Variants in BBS12 observed in about 807,000 individuals in gnomAD.
The protein encoded by BBS12 is Bardet-Biedl syndrome 12, also known as chaperonin-containing T-complex member BBS12.
Under a neutral mutation model 5.6 loss-of-function variants are expected in BBS12, and 5 were observed. The ratio of observed to expected loss-of-function variants is 0.89; its 90% CI spans 0.46 to 1.86. The LOEUF (loss-of-function observed/expected upper bound fraction) is 1.86. Ranked by LOEUF, BBS12 falls within the 40% of genes most tolerant of loss-of-function variation. The pLI, the probability that BBS12 is intolerant of heterozygous loss-of-function variation, is 0.01. For synonymous variants in BBS12, 308 were observed against 306.8 expected, an observed-to-expected ratio of 1.00 and a Z score of -0.04; for missense variants, 748 against 830.4, an observed-to-expected ratio of 0.90 and a Z score of 1.22.
chr4:122,742,497 C>T lies in BBS12; in HGVS notation c.605C>T (p.Pro202Leu), dbSNP rs756455122. 1.9e-6 allele frequency: 3 copies of T among 1,613,960 alleles called. No individual in the cohort carries two copies. The highest frequency in any genetic ancestry group is 1.1e-5 in the South Asian group (1 of 91,044). Residue 202 changes from proline to leucine, a missense_variant, in exon 2 of 2, where the codon CCT becomes CTT. Coordinates refer to ENST00000314218, the MANE Select transcript of BBS12 (RefSeq NM_152618.3). The stretch of plus-strand genomic sequence containing the variant: ...CTTAAATCATATGAATTATTTAAAC[C>T]TCAGACAAAGGTTGAAGCAGATAAC... The part of the protein sequence containing the change: ...RPLKSYELFK[P>L]QTKVEADNNT...
intron 1 of BBS12, among the ~76,000 whole-genome samples, chr4:122,735,297 C>A (rs1800769630): frequency 6.6e-6 from 1 of 152,132 alleles, no homozygotes; most frequent in African/African-American, 2.4e-5. Flanking sequence ...TAAATATGTT[C>A]TAGCGTGACA....
chr4:122,707,972 C>T, the BBS12 span, among the ~76,000 whole-genome samples: 27,865 of 124,346 alleles, frequency 0.22, 4,048 homozygotes, highest in East Asian at 0.67. Flanking sequence ...TTCCTTCCTT[C>T]CTTTCTTTCT....
upstream of BBS12, among the ~76,000 whole-genome samples, chr4:122,728,128 T>G (rs1471648549): frequency 2.0e-5 from 3 of 152,194 alleles, no homozygotes; most frequent in Non-Finnish European, 4.4e-5. Flanking sequence ...ATATTTAAAT[T>G]AAAATGCATA....
At chr4:122,705,792 T>C in the BBS12 span, among the ~76,000 whole-genome samples, 3 of 152,230 alleles carry the variant, frequency 2.0e-5, no homozygotes, top group African/African-American at 7.2e-5. Flanking sequence ...TCAATTGTCC[T>C]GATATGTTGC....
At chr4:122,712,008 C>T in the BBS12 span, among the ~76,000 whole-genome samples, 2 of 152,306 alleles carry the variant, frequency 1.3e-5, no homozygotes, top group East Asian at 3.9e-4. Context: ...TGGGGTAGAC[C>T]TTCTGCTGCC....
chr4:122,744,710 A>G lies in BBS12; in HGVS notation c.*685A>G, dbSNP rs992043205. On this transcript the variant is annotated 3_prime_UTR_variant, in exon 2 of 2. Coordinates refer to ENST00000314218, the MANE Select transcript of BBS12 (RefSeq NM_152618.3). ...CTGACAGTCGGGTTGTTTAGTCAGT[A>G]CCAAATTTGTTCATTTGGTCTCATA... 1.8e-5 allele frequency: 3 copies of G among 167,188 alleles called. No individual in the cohort carries two copies. The highest frequency in any genetic ancestry group is 7.2e-5 in the African/African-American group (3 of 41,432). The allele number at this position is 167,188 out of a possible 1,614,324, so 10.4% of individuals were successfully genotyped here.
chr4:122,727,544 ATTTT>A, the BBS12 span, among the ~76,000 whole-genome samples: 9 of 82,302 alleles, frequency 1.1e-4, no homozygotes, highest in South Asian at 4.6e-4. Context: ...CCCCTGGCCA[ATTTT>A]TTTTTTTTTT....
the BBS12 span, among the ~76,000 whole-genome samples, chr4:122,717,067 C>T: frequency 6.6e-6 from 1 of 152,124 alleles, no homozygotes; most frequent in Non-Finnish European, 1.5e-5. Flanking sequence ...TGGGACCAAC[C>T]CCTATTCCAG....
the BBS12 span, among the ~76,000 whole-genome samples, chr4:122,719,859 G>T: frequency 1.3e-5 from 2 of 152,196 alleles, no homozygotes; most frequent in East Asian, 3.8e-4. Context: ...AGATGCAGAA[G>T]TATTTTACCC....
intron 1 of BBS12, among the ~76,000 whole-genome samples, chr4:122,739,141 C>T (rs1360615783): frequency 6.6e-6 from 1 of 152,192 alleles, no homozygotes; most frequent in African/African-American, 2.4e-5. Flanking sequence ...TCCCTTGATC[C>T]TTCAGAAGGA....
chr4:122,716,474 A>ACAT, the BBS12 span, among the ~76,000 whole-genome samples: 2 of 139,294 alleles, frequency 1.4e-5, no homozygotes, highest in Non-Finnish European at 3.0e-5. Flanking sequence ...AAAACAACAG[A>ACAT]CATCTTCAAA....
chr4:122,727,375 G>A, the BBS12 span, among the ~76,000 whole-genome samples: 1 of 151,654 alleles, frequency 6.6e-6, no homozygotes, highest in Non-Finnish European at 1.5e-5. Flanking sequence ...CTCCTGAGTA[G>A]CTGGGACTAC....
intron 1 of BBS12, among the ~76,000 whole-genome samples, chr4:122,738,387 A>G (rs1351430082): frequency 6.6e-6 from 1 of 151,862 alleles, no homozygotes; most frequent in African/African-American, 2.4e-5. Context: ...ATTTTTTTGT[A>G]TTTTAACAGA....
At chr4:122,713,220 C>A in the BBS12 span, among the ~76,000 whole-genome samples, 5 of 152,028 alleles carry the variant, frequency 3.3e-5, no homozygotes, top group African/African-American at 1.2e-4. Flanking sequence ...GTTATTATTG[C>A]CTATTTTATG....
rs1800894066 is a variant in BBS12 at position 122,742,442 on chromosome 4, C to T, written c.550C>T (p.Leu184=). Residue 184 remains leucine, a synonymous_variant, in exon 2 of 2, where the codon CTG becomes TTG. Transcript: ENST00000314218. ...HGLKDVASQT[L]TISNLSGRPL... ...TCTCAAAGATGTTGCCTCTCAAACACTGACCATTTCCAACCTTTCTGGGAG... is the reference window on the plus strand; with the variant it reads ...TCTCAAAGATGTTGCCTCTCAAACATTGACCATTTCCAACCTTTCTGGGAG... 5.0e-6 allele frequency: 8 copies of T among 1,614,198 alleles called. No individual in the cohort carries two copies. The highest frequency in any genetic ancestry group is 6.8e-6 in the Non-Finnish European group (8 of 1,180,030).
At chr4:122,723,892 A>C in the BBS12 span, among the ~76,000 whole-genome samples, 1 of 152,234 alleles carries the variant, frequency 6.6e-6, no homozygotes, top group Non-Finnish European at 1.5e-5. Flanking sequence ...ACTGAGTTTC[A>C]GATGCGTGTG....
the BBS12 span, among the ~76,000 whole-genome samples, chr4:122,716,636 TATACACAC>T: frequency 0.023 from 2,927 of 127,002 alleles, 228 homozygotes; most frequent in East Asian, 0.12. Context: ...CACATATGTA[TATACACAC>T]GTGTGTGTAT....
At chr4:122,734,917 A>G (rs1304349039) in intron 1 of BBS12, among the ~76,000 whole-genome samples, 4 of 151,772 alleles carry the variant, frequency 2.6e-5, no homozygotes, top group Non-Finnish European at 5.9e-5. Flanking sequence ...CATTAAACAC[A>G]TAGGCACTCT....
At chr4:122,719,543 C>T in the BBS12 span, among the ~76,000 whole-genome samples, 36 of 152,180 alleles carry the variant, frequency 2.4e-4, no homozygotes, top group African/African-American at 6.7e-4. Flanking sequence ...AGACCATGAA[C>T]CCACCAGGAG....
Sources: allele counts gnomAD v4.1 joint callset (sites outside exome capture counted in the v4.1 genomes callset), GRCh38; gene constraint gnomAD v4.1.1; transcripts MANE v1.5; gene names NCBI Gene and HGNC (gene_info 2026-07-23, HGNC 2026-07-21).